CNTN4: variants seen among roughly 807,000 people sequenced by gnomAD.
CNTN4 encodes contactin-4.
A neutral mutation model predicts 122.5 loss-of-function variants in CNTN4; 77 were observed. The ratio of observed to expected loss-of-function variants is 0.63; its 90% CI spans 0.52 to 0.76. The LOEUF (loss-of-function observed/expected upper bound fraction) is 0.76, where lower values mean the gene tolerates loss of function less well. CNTN4 is among the 30% of genes least tolerant of loss of function. CNTN4 has a pLI of 0.00. For synonymous variants in CNTN4, 512 were observed against 447.0 expected (o/e 1.15, Z -1.83); for missense variants, 1,256 against 1,259.1 (o/e 1.00, Z 0.04).
chr3:2,603,338 G>A (rs562763476), intron 4 of CNTN4, among the ~76,000 whole-genome samples: 3 of 152,204 alleles, frequency 2.0e-5, no homozygotes, highest in Admixed American at 2.0e-4. Context: ...GGTACTTTAG[G>A]ATGTCCTAGT....
At chr3:2,602,023 C>T (rs2081067879) in intron 4 of CNTN4, among the ~76,000 whole-genome samples, 3 of 152,072 alleles carry the variant, frequency 2.0e-5, no homozygotes, top group African/African-American at 7.2e-5. Context: ...GCAGAAAAGG[C>T]CTTCAACAAA....
chr3:2,413,213 G>A (rs2047291495), intron 3 of CNTN4, among the ~76,000 whole-genome samples: 1 of 152,206 alleles, frequency 6.6e-6, no homozygotes, highest in Non-Finnish European at 1.5e-5. Context: ...TGGAACCAAA[G>A]TGAATGATAA....
rs141733327 is a variant in CNTN4 at position 2,729,434 on chromosome 3, A to G, written c.56-6781A>G. 2.7e-3 allele frequency among the ~76,000 whole-genome samples: 399 copies of G among 148,992 alleles called. 10 individuals are homozygous for G. The highest frequency in any genetic ancestry group is 9.4e-3 in the African/African-American group (371 of 39,406). Reference sequence around the variant, plus strand: ...GTGGCAGGCGCCTGTATTTCCAGCTACTCGGGAGGCTAAGCAGGAGAATCG... The same window carrying G: ...GTGGCAGGCGCCTGTATTTCCAGCTGCTCGGGAGGCTAAGCAGGAGAATCG... On this transcript the variant is annotated intron_variant, in intron 4 of 24. Coordinates refer to ENST00000418658, the MANE Select transcript of CNTN4 (RefSeq NM_175607.3).
intron 3 of CNTN4, among the ~76,000 whole-genome samples, chr3:2,510,896 A>G (rs543528972): frequency 6.6e-5 from 10 of 152,238 alleles, no homozygotes; most frequent in African/African-American, 2.2e-4. Flanking sequence ...CTTTTAGAAT[A>G]CTAGATGTCC....
chr3:2,694,897 A>G (rs984667504), intron 4 of CNTN4, among the ~76,000 whole-genome samples: 3 of 152,062 alleles, frequency 2.0e-5, no homozygotes, highest in Admixed American at 1.3e-4. Context: ...GTATACTTCA[A>G]CCCCTCTCTT....
chr3:2,273,562 T>C (rs556166239), intron 2 of CNTN4, among the ~76,000 whole-genome samples: 108 of 152,344 alleles, frequency 7.1e-4, no homozygotes, highest in African/African-American at 2.5e-3. Flanking sequence ...ACTAAGTAGA[T>C]GGGAACAGGA....
chr3:2,282,421 T>G (rs751450591), intron 2 of CNTN4, among the ~76,000 whole-genome samples: 2 of 150,828 alleles, frequency 1.3e-5, no homozygotes, highest in Non-Finnish European at 2.9e-5. Context: ...TTGTGATCAC[T>G]GTTAGCCCAT....
At chr3:2,635,416 GA>G (rs2082620923) in intron 4 of CNTN4, among the ~76,000 whole-genome samples, 1 of 152,116 alleles carries the variant, frequency 6.6e-6, no homozygotes, top group Non-Finnish European at 1.5e-5. Context: ...ACTGTAATTT[GA>G]AAGTGAAAAA....
rs148443746 is a variant in CNTN4, at chr3:2,673,610, G to A, written c.56-62605G>A. On this transcript the variant is annotated intron_variant, in intron 4 of 24. Transcript: ENST00000418658. ...GGCTGGAGTGCAGTGGCGTGATCTC[G>A]GCTCACTGCAAGCTGCACCTCACGG... Among the ~76,000 whole-genome samples, 1,475 of 152,036 alleles carry A rather than the reference G, an allele frequency of 9.7e-3. 25 individuals are homozygous for A. The highest frequency in any genetic ancestry group is 0.034 in the African/African-American group (1,396 of 41,462).
At chr3:2,987,947 A>G (rs1694728446) in intron 13 of CNTN4, among the ~76,000 whole-genome samples, 1 of 152,216 alleles carries the variant, frequency 6.6e-6, no homozygotes, top group Non-Finnish European at 1.5e-5. Context: ...CTTTCAATGA[A>G]AAGACTTAAA....
At chr3:2,554,951 T>C (rs1278674377) in intron 3 of CNTN4, among the ~76,000 whole-genome samples, 1 of 152,178 alleles carries the variant, frequency 6.6e-6, no homozygotes, top group Non-Finnish European at 1.5e-5. Context: ...GCCTTTCTTC[T>C]TACACACTGA....
At chr3:2,600,355 C>T (rs576060000) in intron 4 of CNTN4, among the ~76,000 whole-genome samples, 12 of 152,182 alleles carry the variant, frequency 7.9e-5, no homozygotes, top group South Asian at 4.1e-4. Context: ...CTTCCCCTCC[C>T]GCACCCCACA....
intron 6 of CNTN4, among the ~76,000 whole-genome samples, chr3:2,810,426 CA>C (rs1250308999): frequency 1.3e-5 from 2 of 151,916 alleles, no homozygotes; most frequent in Non-Finnish European, 2.9e-5. Context: ...TTCCTGGAAA[CA>C]AAGAGTGATA....
intron 3 of CNTN4, among the ~76,000 whole-genome samples, chr3:2,491,040 G>T (rs1348725345): frequency 6.6e-6 from 1 of 152,098 alleles, no homozygotes; most frequent in Non-Finnish European, 1.5e-5. Flanking sequence ...CTTTCCAGGA[G>T]GGTAGAATCT....
Position 2,795,368 on chromosome 3 carries a change from G to A in CNTN4, c.359-24118G>A, listed in dbSNP as rs546600420. On this transcript the variant is annotated intron_variant, in intron 6 of 24. Coordinates refer to ENST00000418658, the MANE Select transcript of CNTN4 (RefSeq NM_175607.3). ...CCAAAAAACATGGAAAGGAACTTGT[G>A]TAACTGGGATTTGGTGAGCTCCCAA... Among the ~76,000 whole-genome samples the A allele has an allele frequency of 7.2e-5, 11 of 152,234 alleles. No homozygotes were observed. In the East Asian group the frequency reaches 1.7e-3, roughly 24 times the overall value.
intron 3 of CNTN4, among the ~76,000 whole-genome samples, chr3:2,434,437 C>T (rs1320557140): frequency 1.3e-5 from 2 of 152,160 alleles, no homozygotes; most frequent in Admixed American, 6.6e-5. Context: ...GACATTCAGC[C>T]ACTGAAACAA....
chr3:2,191,211 G>C (rs933824785), intron 2 of CNTN4, among the ~76,000 whole-genome samples: 8 of 151,664 alleles, frequency 5.3e-5, no homozygotes, highest in African/African-American at 1.9e-4. Context: ...TGTGACTACA[G>C]GCACGTGGAA....
At chr3:2,254,733 G>C (rs191924953) in intron 2 of CNTN4, among the ~76,000 whole-genome samples, 1 of 151,906 alleles carries the variant, frequency 6.6e-6, no homozygotes, top group Non-Finnish European at 1.5e-5. Context: ...TTTTTGATGG[G>C]GTTGTTTTTT....
At chr3:2,156,594 A>G (rs151205261) in intron 2 of CNTN4, among the ~76,000 whole-genome samples, 95 of 152,274 alleles carry the variant, frequency 6.2e-4, no homozygotes, top group African/African-American at 2.2e-3. Flanking sequence ...CGGTTTGGAG[A>G]GGCATTTGTT....
Sources: allele counts gnomAD v4.1 joint callset (sites outside exome capture counted in the v4.1 genomes callset), GRCh38; gene constraint gnomAD v4.1.1; transcripts MANE v1.5; gene names NCBI Gene and HGNC (gene_info 2026-07-23, HGNC 2026-07-21).